Variants in INPP4B observed in about 807,000 individuals in gnomAD.
The protein encoded by INPP4B is inositol polyphosphate-4-phosphatase type II B, also known as inositol polyphosphate 4-phosphatase type II.
A neutral mutation model predicts 122.5 loss-of-function variants in INPP4B; 55 were observed. The ratio of observed to expected loss-of-function variants is 0.45; its 90% CI spans 0.36 to 0.56. The LOEUF (loss-of-function observed/expected upper bound fraction) is 0.56. Ranked by LOEUF, INPP4B falls within the 20% of genes least tolerant of loss-of-function variation. The pLI, the probability that INPP4B is intolerant of heterozygous loss-of-function variation, is 0.00. For missense variants in INPP4B, 1,000 were observed against 1,097.7 expected (o/e 0.91, Z 1.26); for synonymous variants, 403 against 388.7 (o/e 1.04, Z -0.43).
intron 7 of INPP4B, among the ~76,000 whole-genome samples, chr4:142,349,510 A>G (rs1296302327): frequency 6.6e-6 from 1 of 152,016 alleles, no homozygotes; most frequent in African/African-American, 2.4e-5. Flanking sequence ...AATGATTTAG[A>G]TGTAAGTAGA....
At chr4:142,689,535 G>T (rs1356916939) in intron 2 of INPP4B, among the ~76,000 whole-genome samples, 1 of 152,142 alleles carries the variant, frequency 6.6e-6, no homozygotes, top group African/African-American at 2.4e-5. Flanking sequence ...TTTAAACCAA[G>T]AAGTTATGAT....
chr4:142,829,997 C>A (rs1781923981), intron 1 of INPP4B, among the ~76,000 whole-genome samples: 1 of 152,042 alleles, frequency 6.6e-6, no homozygotes, highest in Admixed American at 6.6e-5. Context: ...AAGAATAAAT[C>A]TGGCACAGGA....
chr4:142,734,638 T>TTTTGTTTG (rs374247716), intron 1 of INPP4B, among the ~76,000 whole-genome samples: 4,505 of 152,114 alleles, frequency 0.03, 78 homozygotes, highest in Non-Finnish European at 0.041. Flanking sequence ...CACTATTAGA[T>TTTTGTTTG]TTTGTTTGTT....
intron 2 of INPP4B, among the ~76,000 whole-genome samples, chr4:142,646,819 T>G (rs1751891603): frequency 6.6e-6 from 1 of 152,150 alleles, no homozygotes; most frequent in South Asian, 2.1e-4. Flanking sequence ...AGGCCCTCTC[T>G]AAGGAGCAAG....
intron 8 of INPP4B, among the ~76,000 whole-genome samples, chr4:142,308,400 G>A (rs1450133523): frequency 6.6e-6 from 1 of 152,038 alleles, no homozygotes; most frequent in Non-Finnish European, 1.5e-5. Flanking sequence ...ACTGCATGTT[G>A]TATAAACTAC....
At chr4:142,586,242 G>A (rs1736177426) in intron 2 of INPP4B, among the ~76,000 whole-genome samples, 1 of 151,982 alleles carries the variant, frequency 6.6e-6, no homozygotes. Context: ...AGCCCAGGGA[G>A]CAGAGTTTGT....
chr4:142,370,231 C>T (rs1312236291), intron 7 of INPP4B, among the ~76,000 whole-genome samples: 9 of 152,094 alleles, frequency 5.9e-5, no homozygotes, highest in Admixed American at 5.9e-4. Flanking sequence ...TTGTAATAGT[C>T]AATTACCAGC....
chr4:142,756,209 A>G (rs901463771), intron 1 of INPP4B, among the ~76,000 whole-genome samples: 1 of 152,054 alleles, frequency 6.6e-6, no homozygotes, highest in Non-Finnish European at 1.5e-5. Flanking sequence ...ACATGTTATA[A>G]AACTGTAGCA....
chr4:142,448,881 T>C (rs1386389725), intron 3 of INPP4B, among the ~76,000 whole-genome samples: 1 of 152,102 alleles, frequency 6.6e-6, no homozygotes, highest in Non-Finnish European at 1.5e-5. Context: ...AATTCTGTAT[T>C]TTACCTGAAA....
chr4:142,740,865 T>A (rs1459044603), intron 1 of INPP4B, among the ~76,000 whole-genome samples: 1 of 152,048 alleles, frequency 6.6e-6, no homozygotes, highest in African/African-American at 2.4e-5. Flanking sequence ...AGAAGATAAA[T>A]TAACTTAAAA....
chr4:142,639,477 G>A (rs2150471101), intron 2 of INPP4B, among the ~76,000 whole-genome samples: 1 of 152,200 alleles, frequency 6.6e-6, no homozygotes, highest in Non-Finnish European at 1.5e-5. Context: ...TGTCTTTGTA[G>A]TAATTGGTCC....
At chr4:142,372,977 A>G (rs1353177047) in intron 7 of INPP4B, among the ~76,000 whole-genome samples, 1 of 152,024 alleles carries the variant, frequency 6.6e-6, no homozygotes, top group African/African-American at 2.4e-5. Context: ...ACATACATAC[A>G]TACACACACA....
At chr4:142,461,852 G>C (rs151186218) in intron 3 of INPP4B, among the ~76,000 whole-genome samples, 1 of 152,042 alleles carries the variant, frequency 6.6e-6, no homozygotes, top group East Asian at 1.9e-4. Flanking sequence ...TCAGGTGACA[G>C]ATTCGAAAGC....
intron 2 of INPP4B, among the ~76,000 whole-genome samples, chr4:142,693,475 C>G (rs1235627732): frequency 9.9e-6 from 1 of 101,112 alleles, no homozygotes; most frequent in South Asian, 3.5e-4. Context: ...TCTTAAAATG[C>G]CTTTTTCTAA....
intron 11 of INPP4B, among the ~76,000 whole-genome samples, chr4:142,258,862 C>T (rs931803117): frequency 1.3e-5 from 2 of 152,126 alleles, no homozygotes; most frequent in South Asian, 2.1e-4. Context: ...GGGTATATAC[C>T]CAAAGGACTA....
At chr4:142,842,126 T>C (rs1783570929) in intron 1 of INPP4B, among the ~76,000 whole-genome samples, 2 of 151,820 alleles carry the variant, frequency 1.3e-5, no homozygotes, top group Non-Finnish European at 3.0e-5. Context: ...GAAAAACTTC[T>C]CAAAATTTCC....
chr4:142,043,557 C>G (rs1008882484), intron 25 of INPP4B, among the ~76,000 whole-genome samples: 4 of 151,638 alleles, frequency 2.6e-5, no homozygotes, highest in African/African-American at 9.7e-5. Flanking sequence ...ACATGGAAAG[C>G]CATGGAAAGA....
chr4:142,372,222 AT>A (rs765815746), intron 7 of INPP4B, among the ~76,000 whole-genome samples: 21 of 152,108 alleles, frequency 1.4e-4, no homozygotes, highest in Non-Finnish European at 2.1e-4. Context: ...TATATGGGTG[AT>A]AAAATATAGA....
intron 7 of INPP4B, among the ~76,000 whole-genome samples, chr4:142,333,026 A>C (rs964087430): frequency 1.7e-4 from 26 of 149,420 alleles, no homozygotes; most frequent in African/African-American, 3.0e-4. Context: ...AAAAAAAAAA[A>C]ACAAAAAAAA....
Sources: allele counts gnomAD v4.1 joint callset (sites outside exome capture counted in the v4.1 genomes callset), GRCh38; gene constraint gnomAD v4.1.1; transcripts MANE v1.5; gene names NCBI Gene and HGNC (gene_info 2026-07-23, HGNC 2026-07-21).